HECW1: variants seen among roughly 807,000 people sequenced by gnomAD.
The protein encoded by HECW1 is HECT, C2 and WW domain containing E3 ubiquitin protein ligase 1.
Under a neutral mutation model 182.3 loss-of-function variants are expected in HECW1, and 61 were observed. That is an observed-to-expected ratio of 0.33 (90% CI 0.27 to 0.41). The LOEUF (loss-of-function observed/expected upper bound fraction) is 0.41, where lower values mean the gene tolerates loss of function less well. HECW1 is among the 10% of genes least tolerant of loss of function. The probability of loss-of-function intolerance (pLI) is 1.00; values close to 1 mark genes in which losing one functional copy is unlikely to be tolerated. For missense variants in HECW1, 1,739 were observed against 2,108.9 expected (o/e 0.82, Z 3.44); for synonymous variants, 859 against 832.6 (o/e 1.03, Z -0.55).
intron 7 of HECW1, among the ~76,000 whole-genome samples, chr7:43,405,731 G>A (rs73101387): frequency 2.1e-3 from 325 of 152,280 alleles, no homozygotes; most frequent in Non-Finnish European, 3.4e-3. Flanking sequence ...TGAGCCACTC[G>A]TACCCGTTCT....
At chr7:43,187,408 A>G (rs572458066) in intron 2 of HECW1, among the ~76,000 whole-genome samples, 1 of 152,150 alleles carries the variant, frequency 6.6e-6, no homozygotes, top group African/African-American at 2.4e-5. Flanking sequence ...ACCACCACAT[A>G]CCATAATTTT....
chr7:43,260,116 C>T (rs1256459721), intron 3 of HECW1, among the ~76,000 whole-genome samples: 1 of 152,134 alleles, frequency 6.6e-6, no homozygotes, highest in Non-Finnish European at 1.5e-5. Flanking sequence ...AAAATTATGG[C>T]TGACTTCTTA....
At chr7:43,272,434 C>A (rs1010203136) in intron 3 of HECW1, among the ~76,000 whole-genome samples, 1 of 152,070 alleles carries the variant, frequency 6.6e-6, no homozygotes, top group Admixed American at 6.6e-5. Context: ...AATTATGCAT[C>A]CAACAAAAGT....
intron 2 of HECW1, among the ~76,000 whole-genome samples, chr7:43,139,223 ACT>A (rs1316660741): frequency 1.3e-4 from 20 of 152,164 alleles, no homozygotes; most frequent in Non-Finnish European, 1.8e-4. Flanking sequence ...TTGGCATGAA[ACT>A]CTTGTTCTTC....
intron 5 of HECW1, among the ~76,000 whole-genome samples, chr7:43,338,373 T>C (rs1299888569): frequency 6.6e-6 from 1 of 152,226 alleles, no homozygotes; most frequent in African/African-American, 2.4e-5. Context: ...TTTTATTTTA[T>C]TAGTCTTTTC....
chr7:43,561,772 T>G, intron 29 of HECW1, 43 bp from the exon 30 acceptor site: 1 of 1,302,692 alleles, frequency 7.7e-7, no homozygotes, highest in Non-Finnish European at 1.1e-6. Flanking sequence ...ACCAGTTGTA[T>G]CATTGAAACA....
intron 6 of HECW1, among the ~76,000 whole-genome samples, chr7:43,383,304 G>A (rs1161375937): frequency 1.3e-5 from 2 of 152,172 alleles, no homozygotes; most frequent in Non-Finnish European, 2.9e-5. Flanking sequence ...ACCCAGTAAT[G>A]GGATTGCTGA....
intron 5 of HECW1, among the ~76,000 whole-genome samples, chr7:43,343,557 T>G (rs983190239): frequency 4.0e-5 from 6 of 151,788 alleles, no homozygotes; most frequent in African/African-American, 9.7e-5. Flanking sequence ...GAGAATGATG[T>G]TTTCCAGCTT....
chr7:43,543,643 A>G (rs1461198548), intron 26 of HECW1, among the ~76,000 whole-genome samples: 2 of 151,830 alleles, frequency 1.3e-5, no homozygotes, highest in African/African-American at 4.8e-5. Context: ...GCTGGGGATG[A>G]TGGCAGACAC....
At chr7:43,253,873 A>G (rs768388877) in intron 3 of HECW1, among the ~76,000 whole-genome samples, 12 of 152,006 alleles carry the variant, frequency 7.9e-5, no homozygotes, top group Non-Finnish European at 1.5e-4. Context: ...ATGCCATTGC[A>G]CTCCAGCCTG....
intron 5 of HECW1, among the ~76,000 whole-genome samples, chr7:43,333,169 T>C (rs965154368): frequency 2.6e-5 from 4 of 152,136 alleles, no homozygotes; most frequent in African/African-American, 9.7e-5. Context: ...CCTGGTATGA[T>C]AGGCAAGGAA....
intron 5 of HECW1, among the ~76,000 whole-genome samples, chr7:43,358,861 G>C (rs1297862964): frequency 9.2e-6 from 1 of 108,884 alleles, no homozygotes; most frequent in Non-Finnish European, 1.7e-5. Context: ...GTCTTGCTCT[G>C]TTGCCCAGGC....
chr7:43,371,993 T>G (rs1301197732), intron 6 of HECW1, among the ~76,000 whole-genome samples: 1 of 152,106 alleles, frequency 6.6e-6, no homozygotes, highest in Non-Finnish European at 1.5e-5. Context: ...CTAATTTTTT[T>G]GTATTTTTAG....
At position 43,479,602 on chromosome 7, in the gene HECW1, G is replaced by C; in HGVS notation, c.3100-8G>C. The C allele has an allele frequency of 6.2e-7, 1 of 1,614,008 alleles. No individual in the cohort carries two copies. The highest frequency in any genetic ancestry group is 2.2e-5 in the East Asian group (1 of 44,880). ...ACACGGTGCTTTTTTTCACTGGTCT[G>C]TTCGCAGTCTTTTTTCGTGGACCAC... On this transcript the variant is annotated splice_region_variant and splice_polypyrimidine_tract_variant and intron_variant, in intron 16 of 29. Transcript: ENST00000395891.
At chr7:43,475,912 T>G (rs2078204715) in intron 16 of HECW1, among the ~76,000 whole-genome samples, 7 of 152,214 alleles carry the variant, frequency 4.6e-5, no homozygotes, top group Admixed American at 4.6e-4. Flanking sequence ...TATGTTTTCG[T>G]GACCTAATAA....
intron 3 of HECW1, among the ~76,000 whole-genome samples, chr7:43,268,552 C>T (rs1802036400): frequency 2.6e-5 from 4 of 152,224 alleles, no homozygotes; most frequent in Admixed American, 2.6e-4. Flanking sequence ...TCCCACTGTG[C>T]CCTGGACAGC....
At chr7:43,391,373 A>G (rs2075024066) in intron 6 of HECW1, among the ~76,000 whole-genome samples, 1 of 152,220 alleles carries the variant, frequency 6.6e-6, no homozygotes, top group Non-Finnish European at 1.5e-5. Context: ...GGCCACGAGA[A>G]ATAGCAGCCT....
chr7:43,251,816 A>T (rs964950470), intron 3 of HECW1, among the ~76,000 whole-genome samples: 1 of 152,174 alleles, frequency 6.6e-6, no homozygotes. Flanking sequence ...GCTGAAGCGC[A>T]TGTTATTTTG....
chr7:43,261,064 C>T (rs1801116276), intron 3 of HECW1, among the ~76,000 whole-genome samples: 1 of 152,080 alleles, frequency 6.6e-6, no homozygotes, highest in African/African-American at 2.4e-5. Flanking sequence ...AGGATTGGAA[C>T]CCAGACAGTG....
Sources: allele counts gnomAD v4.1 joint callset (sites outside exome capture counted in the v4.1 genomes callset), GRCh38; gene constraint gnomAD v4.1.1; transcripts MANE v1.5; gene names NCBI Gene and HGNC (gene_info 2026-07-23, HGNC 2026-07-21).